The following PAPPA variants were observed in gnomAD, a reference collection of about 807,000 sequenced individuals.
PAPPA encodes pappalysin 1.
PAPPA carries 60 observed loss-of-function variants against 164.0 expected under a neutral mutation model. That is an observed-to-expected ratio of 0.37 (90% CI 0.30 to 0.45). PAPPA has a LOEUF of 0.45. Among genes scored for constraint, PAPPA ranks in the 20% least tolerant of loss-of-function variants. PAPPA has a pLI of 1.00. For synonymous variants in PAPPA, 875 were observed against 814.1 expected, an observed-to-expected ratio of 1.07 and a Z score of -1.27; for missense variants, 1,782 against 2,087.3, an observed-to-expected ratio of 0.85 and a Z score of 2.85.
intron 1 of PAPPA, among the ~76,000 whole-genome samples, chr9:116,166,590 C>T (rs1454813087): frequency 6.6e-6 from 1 of 152,130 alleles, no homozygotes; most frequent in African/African-American, 2.4e-5. Context: ...TGTTTATATA[C>T]CCCTAGGAGA....
intron 7 of PAPPA, among the ~76,000 whole-genome samples, chr9:116,262,926 C>T (rs1181713871): frequency 6.6e-6 from 1 of 152,162 alleles, no homozygotes; most frequent in African/African-American, 2.4e-5. Flanking sequence ...GAAAAGAGCC[C>T]TCATTTAACA....
intron 10 of PAPPA, among the ~76,000 whole-genome samples, chr9:116,314,698 T>C (rs1450292657): frequency 6.6e-6 from 1 of 152,170 alleles, no homozygotes; most frequent in Non-Finnish European, 1.5e-5. Flanking sequence ...TCCAGATATA[T>C]CTTGGGGTTT....
At chr9:116,279,628 G>A (rs1845243927) in intron 9 of PAPPA, among the ~76,000 whole-genome samples, 1 of 152,182 alleles carries the variant, frequency 6.6e-6, no homozygotes, top group Admixed American at 6.5e-5. Flanking sequence ...AAACTTTGAT[G>A]TGTGCCTTTG....
At position 116,231,766 on chromosome 9, in the gene PAPPA, CT is replaced by C. The variant is rs71377228; in HGVS notation, c.2234-3361del. Among the ~76,000 whole-genome samples the C allele has an allele frequency of 6.4e-4, 37 of 57,540 alleles. 14 individuals are homozygous for C. Among genetic ancestry groups the C allele is most frequent in the African/African-American group, 2.4e-3 (35 of 14,890 alleles). 37.7% of individuals were successfully genotyped at this position (57,540 alleles called of 152,430 possible). A position where few individuals can be genotyped will look rare whatever the true frequency, so the allele number is the denominator to read the frequency against. ...GTGGTTTTTCTTTTCTTTTCTTTTT[CT>C]TTTTTTTTTTTGAGATGGAGTTTCA... On this transcript the variant is annotated intron_variant, in intron 6 of 21. Transcript: ENST00000328252.
intron 13 of PAPPA, among the ~76,000 whole-genome samples, chr9:116,340,704 C>T (rs1846124902): frequency 6.6e-6 from 1 of 151,976 alleles, no homozygotes; most frequent in Non-Finnish European, 1.5e-5. Context: ...TAAGAAATGT[C>T]CCATGAAAAA....
At chr9:116,254,735 C>T (rs112267964) in intron 7 of PAPPA, among the ~76,000 whole-genome samples, 4,712 of 144,040 alleles carry the variant, frequency 0.033, 260 homozygotes, top group African/African-American at 0.11. Flanking sequence ...TGAGCCAAGA[C>T]TGCACCACTG....
chr9:116,355,692 C>T (rs1846344725), intron 17 of PAPPA, among the ~76,000 whole-genome samples: 1 of 152,190 alleles, frequency 6.6e-6, no homozygotes, highest in Non-Finnish European at 1.5e-5. Context: ...TGAAACTCAG[C>T]CTGCCTGGGG....
At chr9:116,225,726 A>G (rs1316429119) in intron 5 of PAPPA, among the ~76,000 whole-genome samples, 1 of 152,182 alleles carries the variant, frequency 6.6e-6, no homozygotes, top group Non-Finnish European at 1.5e-5. Context: ...TTACAATGAT[A>G]AGGCTGAGAA....
intron 17 of PAPPA, among the ~76,000 whole-genome samples, chr9:116,359,522 T>C (rs1335561343): frequency 6.6e-6 from 1 of 152,226 alleles, no homozygotes; most frequent in Admixed American, 6.5e-5. Flanking sequence ...AAAAGTACCC[T>C]CTGGTCTTCC....
chr9:116,162,595 C>T (rs1170320309), intron 1 of PAPPA, among the ~76,000 whole-genome samples: 2 of 152,206 alleles, frequency 1.3e-5, no homozygotes, highest in Non-Finnish European at 2.9e-5. Context: ...CTCCAAGCTT[C>T]ACTTTTCCCC....
At chr9:116,231,742 T>G (rs1844597412) in intron 6 of PAPPA, among the ~76,000 whole-genome samples, 1 of 147,624 alleles carries the variant, frequency 6.8e-6, no homozygotes, top group Non-Finnish European at 1.5e-5. Flanking sequence ...CTCTAAACAG[T>G]GGTTTTTCTT....
Position 116,332,312 on chromosome 9 carries a change from C to T in PAPPA, c.3262-21C>T, listed in dbSNP as rs369479265. 9 of 1,609,338 alleles carry T rather than the reference C, an allele frequency of 5.6e-6. No homozygotes were observed. In the African/African-American group the frequency reaches 8.0e-5, roughly 14 times the overall value. On this transcript the variant is annotated intron_variant, in intron 11 of 21. Transcript: ENST00000328252. ...CATGACTGAGTGCACATGTGACCCT[C>T]CTACGTCTTCACAATTTCAGGCGTA...
intron 12 of PAPPA, among the ~76,000 whole-genome samples, chr9:116,334,410 G>C (rs552763552): frequency 6.6e-6 from 1 of 152,118 alleles, no homozygotes; most frequent in Non-Finnish European, 1.5e-5. Flanking sequence ...CTGCTCCCAG[G>C]TTCACAGATT....
intron 13 of PAPPA, among the ~76,000 whole-genome samples, chr9:116,343,486 T>C (rs907606898): frequency 3.9e-5 from 6 of 152,128 alleles, no homozygotes; most frequent in African/African-American, 1.2e-4. Context: ...AAAGAACGGG[T>C]GGAATTCAGA....
intron 1 of PAPPA, among the ~76,000 whole-genome samples, chr9:116,175,246 A>C (rs1054392626): frequency 6.6e-6 from 1 of 152,186 alleles, no homozygotes; most frequent in East Asian, 1.9e-4. Flanking sequence ...GCCCTCCAGT[A>C]CCAAGAGGAG....
rs558631924 is a variant in PAPPA at position 116,289,793 on chromosome 9, A to T, written c.2954-12964A>T. Among the ~76,000 whole-genome samples, 222 of 152,360 alleles carry T rather than the reference A, an allele frequency of 1.5e-3. 5 individuals carry two copies. In the South Asian group the frequency reaches 0.038, roughly 26 times the overall value. On this transcript the variant is annotated intron_variant, in intron 9 of 21. Transcript: ENST00000328252. ...ATGTTTCTGCTCTCAAGGAGTTGCC[A>T]TTCTGTTTTAGAGAGAATACAATTA...
At chr9:116,313,071 A>G (rs1186060952) in intron 10 of PAPPA, among the ~76,000 whole-genome samples, 2 of 140,088 alleles carry the variant, frequency 1.4e-5, no homozygotes, top group African/African-American at 5.4e-5. Flanking sequence ...TGACAGAGTG[A>G]GACTCCATCT....
chr9:116,252,261 G>C (rs1486848491), intron 7 of PAPPA, among the ~76,000 whole-genome samples: 2 of 152,222 alleles, frequency 1.3e-5, no homozygotes, highest in African/African-American at 4.8e-5. Context: ...TTACCTGTGT[G>C]AGAGGGATGG....
intron 1 of PAPPA, among the ~76,000 whole-genome samples, chr9:116,173,515 A>G (rs1314645966): frequency 5.9e-5 from 9 of 152,294 alleles, no homozygotes. Flanking sequence ...ATTCTTTTCT[A>G]TGGAAGAAAC....
Sources: gnomAD v4.1 joint callset for allele counts (sites outside exome capture counted in the v4.1 genomes callset) on GRCh38, gnomAD v4.1.1 for gene constraint, MANE v1.5 for transcripts, NCBI Gene and HGNC (gene_info 2026-07-23, HGNC 2026-07-21) for gene names.